KLHL29: variants seen among roughly 807,000 people sequenced by gnomAD.
KLHL29 encodes kelch-like protein 29.
In KLHL29, 21 loss-of-function variants were observed where a neutral mutation model predicts 80.4. That is an observed-to-expected ratio of 0.26 (90% CI 0.19 to 0.38). KLHL29 has a LOEUF of 0.38. Among genes scored for constraint, KLHL29 ranks in the 10% least tolerant of loss-of-function variants. KLHL29 has a pLI of 1.00. For synonymous variants in KLHL29, 511 were observed against 526.8 expected, an observed-to-expected ratio of 0.97 and a Z score of 0.41; for missense variants, 867 against 1,223.9, an observed-to-expected ratio of 0.71 and a Z score of 4.35.
chr2:23,632,960 T>C (rs1223627169), intron 3 of KLHL29, among the ~76,000 whole-genome samples: 1 of 141,996 alleles, frequency 7.0e-6, no homozygotes, highest in Non-Finnish European at 1.6e-5. Flanking sequence ...AGTTTTCTGA[T>C]GTAGGGAGTT....
At chr2:23,614,739 G>A (rs1265370502) in intron 3 of KLHL29, among the ~76,000 whole-genome samples, 2 of 152,174 alleles carry the variant, frequency 1.3e-5, no homozygotes, top group Non-Finnish European at 2.9e-5. Context: ...GAGACCCAAG[G>A]AGGTAAGAAA....
At chr2:23,537,395 G>A (rs1035498666) in intron 2 of KLHL29, among the ~76,000 whole-genome samples, 3 of 119,930 alleles carry the variant, frequency 2.5e-5, no homozygotes, top group African/African-American at 6.1e-5. Context: ...TTGAGCTGCC[G>A]ATTCCTGCGG....
chr2:23,703,699 C>G lies in KLHL29; in HGVS notation c.2300-20C>G. 1 of 1,526,812 alleles carries G rather than the reference C, an allele frequency of 6.5e-7. No homozygotes were observed. Among genetic ancestry groups the G allele is most frequent in the East Asian group, 2.5e-5 (1 of 40,738 alleles). The allele number at this position is 1,526,812 out of a possible 1,614,324, so 94.6% of individuals were successfully genotyped here. A position where few individuals can be genotyped will look rare whatever the true frequency, so the allele number is the denominator to read the frequency against. On this transcript the variant is annotated intron_variant, in intron 12 of 13. Coordinates refer to ENST00000486442, the MANE Select transcript of KLHL29 (RefSeq NM_052920.2). ...TCCAAGACAAGCTGCCGTGACCTGC[C>G]TGCTCTGCTCTCCTCACAGACAACA...
chr2:23,441,103 G>C (rs1663503800), intron 1 of KLHL29, among the ~76,000 whole-genome samples: 1 of 152,116 alleles, frequency 6.6e-6, no homozygotes, highest in South Asian at 2.1e-4. Context: ...TGATAGACTG[G>C]ATTAAGAAAA....
chr2:23,463,943 G>A (rs1664282488), intron 1 of KLHL29, among the ~76,000 whole-genome samples: 1 of 152,148 alleles, frequency 6.6e-6, no homozygotes, highest in Admixed American at 6.5e-5. Flanking sequence ...TGGAAAATGT[G>A]TATTCTCTCC....
At chr2:23,677,432 G>A (rs767875644) in intron 5 of KLHL29, among the ~76,000 whole-genome samples, 2 of 152,248 alleles carry the variant, frequency 1.3e-5, no homozygotes, top group Non-Finnish European at 2.9e-5. Context: ...GTCCAGGCAA[G>A]AAGTCAGAGT....
chr2:23,481,098 T>G (rs1664785997), intron 2 of KLHL29, among the ~76,000 whole-genome samples: 1 of 152,202 alleles, frequency 6.6e-6, no homozygotes, highest in Non-Finnish European at 1.5e-5. Flanking sequence ...TTTTTTAAAT[T>G]CTCATACCCA....
At chr2:23,468,119 C>T (rs182339329) in intron 1 of KLHL29, among the ~76,000 whole-genome samples, 3 of 152,074 alleles carry the variant, frequency 2.0e-5, no homozygotes, top group Admixed American at 2.0e-4. Flanking sequence ...GAACAACCAT[C>T]GATGTTTAGT....
intron 1 of KLHL29, among the ~76,000 whole-genome samples, chr2:23,401,708 G>A (rs1666603340): frequency 6.6e-6 from 1 of 152,206 alleles, no homozygotes; most frequent in African/African-American, 2.4e-5. Flanking sequence ...AAGGTGCATT[G>A]CTGAGCAGAG....
intron 3 of KLHL29, among the ~76,000 whole-genome samples, chr2:23,618,209 C>T (rs1378745365): frequency 6.6e-6 from 1 of 151,940 alleles, no homozygotes; most frequent in East Asian, 1.9e-4. Flanking sequence ...ACTCCCTGCC[C>T]AAAGCACAGA....
intron 3 of KLHL29, among the ~76,000 whole-genome samples, chr2:23,631,436 G>A (rs1307451573): frequency 6.6e-6 from 1 of 152,228 alleles, no homozygotes; most frequent in Non-Finnish European, 1.5e-5. Context: ...CCATCATGCA[G>A]TTTCCGGCAT....
chr2:23,572,111 C>T (rs1197416365), intron 3 of KLHL29, among the ~76,000 whole-genome samples: 1 of 152,214 alleles, frequency 6.6e-6, no homozygotes, highest in Non-Finnish European at 1.5e-5. Flanking sequence ...TCCTGTGTGT[C>T]AGCGGGTCTG....
intron 3 of KLHL29, among the ~76,000 whole-genome samples, chr2:23,624,611 T>G (rs561976179): frequency 2.0e-5 from 3 of 152,178 alleles, no homozygotes; most frequent in Non-Finnish European, 4.4e-5. Context: ...CCCATAGATG[T>G]GGTTTCGAAT....
At chr2:23,556,697 C>T (rs985796759) in intron 2 of KLHL29, among the ~76,000 whole-genome samples, 2 of 151,992 alleles carry the variant, frequency 1.3e-5, no homozygotes, top group Admixed American at 1.3e-4. Flanking sequence ...CCCTCCTCCC[C>T]TCCCGTCTCC....
intron 1 of KLHL29, among the ~76,000 whole-genome samples, chr2:23,402,149 C>T (rs1012407987): frequency 1.2e-4 from 19 of 152,092 alleles, no homozygotes; most frequent in Non-Finnish European, 2.1e-4. Flanking sequence ...CATCGAGGAC[C>T]GGCAGGAGGA....
rs373195955 is a variant in KLHL29 at position 23,630,472 on chromosome 2, C to A, written c.286-8667C>A. On this transcript the variant is annotated intron_variant, in intron 3 of 13. Coordinates refer to ENST00000486442, the MANE Select transcript of KLHL29 (RefSeq NM_052920.2). ...GGTTAGAGTCCCAGGCTTGCCATGC[C>A]CTGAGTTTTTTTTGTTTTGTTCTGT... 8.5e-5 allele frequency among the ~76,000 whole-genome samples: 13 copies of A among 152,080 alleles called. No individual in the cohort carries two copies. In the South Asian group the frequency reaches 1.0e-3, roughly 12 times the overall value.
At chr2:23,645,806 C>T (rs1254910855) in intron 5 of KLHL29, among the ~76,000 whole-genome samples, 5 of 152,074 alleles carry the variant, frequency 3.3e-5, no homozygotes, top group Admixed American at 6.6e-5. Context: ...CCAAAAAGGG[C>T]GTTGGGACTT....
intron 2 of KLHL29, among the ~76,000 whole-genome samples, chr2:23,520,845 G>A (rs1311215846): frequency 6.6e-6 from 1 of 152,180 alleles, no homozygotes; most frequent in African/African-American, 2.4e-5. Flanking sequence ...ATAAAGTTCA[G>A]TTCATTTTCA....
Position 23,695,573 on chromosome 2 carries a change from G to A in KLHL29, c.1543-50G>A, listed in dbSNP as rs1351311559. The A allele has an allele frequency of 7.7e-7, 1 of 1,299,496 alleles. No homozygotes were observed. The highest frequency in any genetic ancestry group is 1.1e-6 in the Non-Finnish European group (1 of 945,670). 80.5% of individuals were successfully genotyped at this position (1,299,496 alleles called of 1,614,324 possible). A position where few individuals can be genotyped will look rare whatever the true frequency, so the allele number is the denominator to read the frequency against. ...CACACCATTTCTTTCCGTCCGGGAG[G>A]TGGCTCTCTCTTGCTAGTCTAAGAA... On this transcript the variant is annotated intron_variant, in intron 8 of 13. Coordinates refer to ENST00000486442, the MANE Select transcript of KLHL29 (RefSeq NM_052920.2). This position sits in a 1 kb window ranked among gnomAD's most constrained non-coding sequence, Gnocchi z 7.6.
Sources: gnomAD v4.1 joint callset for allele counts (sites outside exome capture counted in the v4.1 genomes callset) on GRCh38, gnomAD v4.1.1 for gene constraint, Gnocchi (gnomAD v3.1) non-coding constraint, MANE v1.5 for transcripts, NCBI Gene and HGNC (gene_info 2026-07-23, HGNC 2026-07-21) for gene names.